Variants in RBM17 observed in about 807,000 individuals in gnomAD.
RBM17 encodes the protein RNA binding motif protein 17.
Under a neutral mutation model 53.2 loss-of-function variants are expected in RBM17, and 7 were observed. The ratio of observed to expected loss-of-function variants is 0.13; its 90% CI spans 0.07 to 0.25. RBM17 has a LOEUF of 0.25. RBM17 is among the 10% of genes least tolerant of loss of function. The pLI, the probability that RBM17 is intolerant of heterozygous loss-of-function variation, is 1.00. For missense variants in RBM17, 257 were observed against 496.7 expected (o/e 0.52, Z 4.59); for synonymous variants, 167 against 178.1 (o/e 0.94, Z 0.50).
intron 5 of RBM17, among the ~76,000 whole-genome samples, chr10:6,107,568 A>G (rs980918608): frequency 4.5e-5 from 6 of 132,398 alleles, no homozygotes; most frequent in African/African-American, 1.7e-4. Flanking sequence ...TGCAACCTCC[A>G]TCTCCTAGTT....
At position 6,110,475 on chromosome 10, in the gene RBM17, CT is replaced by C. The variant is rs1054969351; in HGVS notation, c.704+356del. Among the ~76,000 whole-genome samples the C allele has an allele frequency of 3.9e-5, 6 of 152,052 alleles. No homozygotes were observed. In the South Asian group the frequency reaches 6.2e-4, roughly 16 times the overall value. ...ACTGTCTCCAAAGGGCAGGTGATAC[CT>C]TTTTTTTCCTGATAAAGTGGGCCAT... On this transcript the variant is annotated intron_variant, in intron 7 of 11. Transcript: ENST00000379888.
At chr10:6,104,783 TG>T in intron 3 of RBM17, 147 bp from the exon 4 acceptor site, 1 of 618,438 alleles carries the variant, frequency 1.6e-6, no homozygotes, top group South Asian at 2.9e-5. Flanking sequence ...TGGCCTTGTC[TG>T]GTATTTGTTT....
At chr10:6,109,060 A>G (rs533407534) in intron 6 of RBM17, among the ~76,000 whole-genome samples, 20 of 131,384 alleles carry the variant, frequency 1.5e-4, no homozygotes, top group African/African-American at 4.7e-4. Flanking sequence ...AGATCGTTAC[A>G]GTTTTTTAAC....
chr10:6,101,142 G>T, intron 2 of RBM17, 129 bp from the exon 3 acceptor site: 2 of 490,688 alleles, frequency 4.1e-6, no homozygotes. Context: ...AAAGGCTGTT[G>T]TTTTGAGATT....
chr10:6,115,642 A>G lies in RBM17; in HGVS notation c.*86A>G, dbSNP rs1840902592. The stretch of plus-strand genomic sequence containing the variant: ...AAGAAGGAAAAAGGTCACAGCCTCC[A>G]TGGCTGTTGCATACCAAGACTCTTG... On this transcript the variant is annotated 3_prime_UTR_variant, in exon 12 of 12. Coordinates refer to ENST00000379888, the MANE Select transcript of RBM17 (RefSeq NM_032905.5). 6.1e-6 allele frequency: 5 copies of G among 814,500 alleles called. No homozygotes were observed. Among genetic ancestry groups the G allele is most frequent in the African/African-American group, 3.4e-5 (2 of 58,952 alleles). The allele number at this position is 814,500 out of a possible 1,614,324, so 50.5% of individuals were successfully genotyped here. A position where few individuals can be genotyped will look rare whatever the true frequency, so the allele number is the denominator to read the frequency against.
rs373986163 is a variant in RBM17, at chr10:6,112,598, TAG to T, written c.856+243_856+244del. ...CATCTTTATTTTTTCAGAACAGACG[TAG>T]AGAGATGAAGGCTTGTGGAGGAAAA... On this transcript the variant is annotated intron_variant, in intron 8 of 11. Transcript: ENST00000379888. The surrounding 1 kb of genome is among the most constrained non-coding windows in gnomAD (Gnocchi z 4.4). 9 of 527,770 alleles carry T rather than the reference TAG, an allele frequency of 1.7e-5. No individual in the cohort carries two copies. The African/African-American group carries it at 1.7e-4, about 10-fold the overall frequency. 32.7% of individuals were successfully genotyped at this position (527,770 alleles called of 1,614,324 possible).
chr10:6,108,729 G>A lies in RBM17; in HGVS notation c.549G>A (p.Glu183=). 1 of 1,612,082 alleles carries A rather than the reference G, an allele frequency of 6.2e-7. No homozygotes were observed. Among genetic ancestry groups the A allele is most frequent in the African/African-American group, 1.3e-5 (1 of 74,992 alleles). The change falls in exon 6 of 12, where the codon GAG becomes GAA. Residue 183 remains glutamate (E), a synonymous_variant. Coordinates refer to ENST00000379888, the MANE Select transcript of RBM17 (RefSeq NM_032905.5). ...AAIAPPTSLV[E]KDKELPRDFP... ...TTGCCCCACCCACTTCTCTGGTAGA[G>A]AAAGACAAAGAGTGTAAGTAGATCT... is the stretch of plus-strand genomic sequence containing the variant.
In RBM17 at chr10:6,113,503, T is replaced by C. The variant is rs758792921; in HGVS notation, c.857-5T>C. ...TAACACATCTAATGGTATGTTTTGATACAGATGCATCCAAGAAGTCAGATT... is the reference window on the plus strand; with the variant it reads ...TAACACATCTAATGGTATGTTTTGACACAGATGCATCCAAGAAGTCAGATT... On this transcript the variant is annotated splice_region_variant and splice_polypyrimidine_tract_variant and intron_variant, in intron 8 of 11. Coordinates refer to ENST00000379888, the MANE Select transcript of RBM17 (RefSeq NM_032905.5). 3.9e-5 allele frequency: 63 copies of C among 1,604,042 alleles called. 1 individual carries two copies. The South Asian group carries it at 4.1e-4, about 10-fold the overall frequency.
chr10:6,115,323 A>C lies in RBM17; in HGVS notation c.1102+12A>C. On this transcript the variant is annotated intron_variant, in intron 11 of 11. Coordinates refer to ENST00000379888, the MANE Select transcript of RBM17 (RefSeq NM_032905.5). ...ATCAGCAATTAAAGGTTAGTGGTAC[A>C]GCTAAATATTAAAGAATAAAAAAGT... is the stretch of plus-strand genomic sequence containing the variant. 1 of 1,600,230 alleles carries C rather than the reference A, an allele frequency of 6.2e-7. No homozygotes were observed. The highest frequency in any genetic ancestry group is 8.6e-7 in the Non-Finnish European group (1 of 1,168,244).
intron 2 of RBM17, among the ~76,000 whole-genome samples, chr10:6,097,464 C>G (rs1245544265): frequency 6.6e-6 from 1 of 152,100 alleles, no homozygotes; most frequent in Non-Finnish European, 1.5e-5. Flanking sequence ...TTTGGGAGGC[C>G]AAGGCAGGCA....
At chr10:6,110,974 C>T (rs1487444182) in intron 7 of RBM17, among the ~76,000 whole-genome samples, 1 of 151,204 alleles carries the variant, frequency 6.6e-6, no homozygotes, top group Non-Finnish European at 1.5e-5. Flanking sequence ...GTTTTGTTTT[C>T]CCTGTTTATG....
At chr10:6,114,539 G>A (rs1413955664) in intron 10 of RBM17, 1 of 165,596 alleles carries the variant, frequency 6.0e-6, no homozygotes, top group Non-Finnish European at 1.3e-5. Context: ...TCTCAGTGGT[G>A]TGTTCAGTTG....
intron 2 of RBM17, among the ~76,000 whole-genome samples, chr10:6,098,556 G>GGTTTTTGTTTTTTTTTTTTTTTTT: frequency 1.1e-5 from 1 of 87,976 alleles, no homozygotes; most frequent in Non-Finnish European, 2.3e-5. Context: ...TAATACACAG[G>GGTTTTTGTTTTTTTTTTTTTTTTT]TTTTTTGTTT....
chr10:6,115,623 G>GA lies in RBM17; in HGVS notation c.*72dup, dbSNP rs1469325969. ...ATGAACTGCAGGCTGAGAAAAGAAG[G>GA]AAAAAGGTCACAGCCTCCATGGCTG... On this transcript the variant is annotated 3_prime_UTR_variant, in exon 12 of 12. Coordinates refer to ENST00000379888, the MANE Select transcript of RBM17 (RefSeq NM_032905.5). The GA allele has an allele frequency of 1.1e-5, 11 of 1,029,476 alleles. No individual in the cohort carries two copies. In the African/African-American group the frequency reaches 1.7e-4, roughly 16 times the overall value. The allele number at this position is 1,029,476 out of a possible 1,614,324, so 63.8% of individuals were successfully genotyped here.
chr10:6,102,021 A>C (rs534942453), intron 3 of RBM17, among the ~76,000 whole-genome samples: 1 of 152,358 alleles, frequency 6.6e-6, no homozygotes, highest in African/African-American at 2.4e-5. Flanking sequence ...GAAGATCTGG[A>C]AAAGGATAAC....
intron 2 of RBM17, 41 bp downstream of exon 2, chr10:6,097,229 G>A (rs1233778447): frequency 3.1e-6 from 5 of 1,599,528 alleles, no homozygotes; most frequent in Non-Finnish European, 4.3e-6. Context: ...GGCCTCCAGA[G>A]TGGGTTCCTC....
rs964125554 is a variant in RBM17 at position 6,112,491 on chromosome 10, C to T, written c.856+130C>T. ...GTGTGGCCAGAGGGAGAGGGCTGGC[C>T]CTGCCATCACTAGAACACAGGCCGT... On this transcript the variant is annotated intron_variant, in intron 8 of 11. Transcript: ENST00000379888. This position sits in a 1 kb window ranked among gnomAD's most constrained non-coding sequence, Gnocchi z 4.4. 6.4e-6 allele frequency: 7 copies of T among 1,099,098 alleles called. No homozygotes were observed. Among genetic ancestry groups the T allele is most frequent in the Non-Finnish European group, 9.5e-6 (7 of 738,938 alleles). 68.1% of individuals were successfully genotyped at this position (1,099,098 alleles called of 1,614,324 possible).
At chr10:6,091,631 C>T (rs149041684) in intron 1 of RBM17, among the ~76,000 whole-genome samples, 31 of 152,244 alleles carry the variant, frequency 2.0e-4, no homozygotes, top group African/African-American at 6.3e-4. Context: ...TAAATAGGTG[C>T]ACTAACATTT....
At chr10:6,114,010 A>G in intron 9 of RBM17, 39 bp from the exon 10 acceptor site, 1 of 1,342,072 alleles carries the variant, frequency 7.5e-7, no homozygotes, top group Non-Finnish European at 1.1e-6. Flanking sequence ...TTTGTAAGTT[A>G]TACTTGGTAC....
Sources: allele counts gnomAD v4.1 joint callset (sites outside exome capture counted in the v4.1 genomes callset), GRCh38; gene constraint gnomAD v4.1.1; non-coding constraint Gnocchi (gnomAD v3.1); transcripts MANE v1.5; gene names NCBI Gene and HGNC (gene_info 2026-07-23, HGNC 2026-07-21).